The following SLC26A1 variants were observed in gnomAD, a reference collection of about 807,000 sequenced individuals.
SLC26A1 encodes sulfate anion transporter 1.
In SLC26A1, 18 loss-of-function variants were observed where a neutral mutation model predicts 14.5. The observed-to-expected ratio is 1.24, with a 90% confidence interval of 0.86 to 1.84. SLC26A1 has a LOEUF of 1.84. SLC26A1 is among the 40% of genes most tolerant of loss of function. The probability of loss-of-function intolerance (pLI) is 0.00; values close to 1 mark genes in which losing one functional copy is unlikely to be tolerated. For missense variants in SLC26A1, 1,049 were observed against 1,020.0 expected (o/e 1.03, Z -0.39); for synonymous variants, 505 against 492.0 (o/e 1.03, Z -0.35).
At chr4:987,375 C>A (rs577464111), downstream of SLC26A1, 9 of 960,930 alleles carry the variant, frequency 9.4e-6, no homozygotes, top group Admixed American at 9.0e-5. Context: ...GGCCCGCCCC[C>A]CGCCGTGTTT....
chr4:980,411 C>T (rs770359633), intron 2 of SLC26A1, among the ~76,000 whole-genome samples: 3 of 152,058 alleles, frequency 2.0e-5, no homozygotes, highest in Non-Finnish European at 2.9e-5. Flanking sequence ...CATGGTGAAA[C>T]CCTCTCTCCA....
chr4:991,239 G>C lies in SLC26A1; in HGVS notation c.465C>G (p.Pro155=). 2 of 1,611,750 alleles carry C rather than the reference G, an allele frequency of 1.2e-6. No individual in the cohort carries two copies. Among genetic ancestry groups the C allele is most frequent in the Non-Finnish European group, 1.7e-6 (2 of 1,179,256 alleles). ...GFDPSQDGLQ[P]GANSSTLNGS... ...CGTTGAGGGTGCTGCTGTTGGCTCC[G>C]GGCTGCAGGCCGTCCTGGGAGGGGT... The change falls in exon 2 of 3, where the codon CCC becomes CCG. Residue 155 remains proline, a synonymous_variant. Coordinates refer to ENST00000398516, the MANE Select transcript of SLC26A1 (RefSeq NM_022042.4).
chr4:989,716 G>A lies in SLC26A1; in HGVS notation c.1223C>T (p.Thr408Ile). 1 of 1,558,862 alleles carries A rather than the reference G, an allele frequency of 6.4e-7. No individual in the cohort carries two copies. Residue 408 changes from threonine (T) to isoleucine (I), a missense_variant, in exon 3 of 3, where the codon ACT (threonine) becomes ATT (isoleucine). Thr to Ile is a moderately conservative substitution (Grantham distance 89). Transcript: ENST00000398516. ...GCTGGACAGCTGTGTCCGGCAGCCA[G>A]TGGCTGTCTTCACCAGGCTCTTGGC... ...ALAKSLVKTA[T>I]GCRTQLSSVV...
At chr4:992,029 G>T in intron 1 of SLC26A1, 1 of 604,124 alleles carries the variant, frequency 1.7e-6, no homozygotes. Context: ...CCCTGTCCAG[G>T]CTCAGCTCCG....
At chr4:990,928 T>G (rs1474603500) in intron 2 of SLC26A1, 200 bp downstream of exon 2, 6 of 568,562 alleles carry the variant, frequency 1.1e-5, no homozygotes, top group Non-Finnish European at 1.8e-5. Flanking sequence ...GCCCCTCCCC[T>G]CCTGCATCCA....
Position 988,337 on chromosome 4 carries a change from G to C in SLC26A1, c.*496C>G, listed in dbSNP as rs945968531. 22 of 1,093,032 alleles carry C rather than the reference G, an allele frequency of 2.0e-5. No individual in the cohort carries two copies. Among genetic ancestry groups the C allele is most frequent in the Admixed American group, 4.8e-5 (1 of 20,686 alleles). 67.7% of individuals were successfully genotyped at this position (1,093,032 alleles called of 1,614,324 possible). ...GCTGGTGCAGGTGGCCACCCTGTGA[G>C]GGGGAGGCACGAGGTGTGAGGGGCA... On this transcript the variant is annotated 3_prime_UTR_variant, in exon 3 of 3. Coordinates refer to ENST00000398516, the MANE Select transcript of SLC26A1 (RefSeq NM_022042.4).
intron 2 of SLC26A1, among the ~76,000 whole-genome samples, chr4:982,606 C>T (rs1005865534): frequency 6.6e-6 from 1 of 152,236 alleles, no homozygotes. Context: ...CCTCCGCCGA[C>T]CAGTGGCTTC....
Position 990,959 on chromosome 4 carries a change from C to T in SLC26A1, c.576+169G>A, listed in dbSNP as rs1376708534. 1.3e-5 allele frequency: 9 copies of T among 675,964 alleles called. No homozygotes were observed. In the East Asian group the frequency reaches 2.6e-4, roughly 20 times the overall value. 41.9% of individuals were successfully genotyped at this position (675,964 alleles called of 1,614,324 possible). A position where few individuals can be genotyped will look rare whatever the true frequency, so the allele number is the denominator to read the frequency against. ...ATCCACAGCCTCTCCGCGTCGGTGCCTCGCCCTGGGATGCCCCGGCACGCC... is the reference window on the plus strand; with the variant it reads ...ATCCACAGCCTCTCCGCGTCGGTGCTTCGCCCTGGGATGCCCCGGCACGCC... On this transcript the variant is annotated intron_variant, in intron 2 of 2. Coordinates refer to ENST00000398516, the MANE Select transcript of SLC26A1 (RefSeq NM_022042.4).
chr4:982,624 C>A (rs76051233), intron 2 of SLC26A1, among the ~76,000 whole-genome samples: 5,170 of 152,296 alleles, frequency 0.034, 131 homozygotes, highest in East Asian at 0.12. Flanking sequence ...TTCTTCCCCA[C>A]GTTTATTATA....
At chr4:981,770 G>A (rs1214393780) in intron 2 of SLC26A1, among the ~76,000 whole-genome samples, 5 of 152,194 alleles carry the variant, frequency 3.3e-5, no homozygotes, top group Admixed American at 6.5e-5. Context: ...GCTGCCCAGC[G>A]GCTTCTGATG....
chr4:980,200 C>T (rs1334136402), intron 2 of SLC26A1, among the ~76,000 whole-genome samples: 1 of 152,194 alleles, frequency 6.6e-6, no homozygotes, highest in Non-Finnish European at 1.5e-5. Context: ...GGCAGGGACA[C>T]TGGCTTTGTG....
At chr4:984,381 C>T (rs1479686707), downstream of SLC26A1, among the ~76,000 whole-genome samples, 3 of 152,200 alleles carry the variant, frequency 2.0e-5, no homozygotes, top group African/African-American at 2.4e-5. Flanking sequence ...ATCTCAGTCT[C>T]TGTATGTAAT....
At chr4:982,456 G>A (rs1360980727) in intron 2 of SLC26A1, among the ~76,000 whole-genome samples, 3 of 152,226 alleles carry the variant, frequency 2.0e-5, no homozygotes, top group African/African-American at 7.2e-5. Flanking sequence ...AGAGAAATGG[G>A]TGCGTGCGTG....
chr4:982,580 G>A (rs1713578063), intron 2 of SLC26A1, among the ~76,000 whole-genome samples: 6 of 152,224 alleles, frequency 3.9e-5, no homozygotes, highest in South Asian at 4.1e-4. Context: ...GCCAGGCGTG[G>A]TCTCAGCCCT....
chr4:989,611 G>C lies in SLC26A1; in HGVS notation c.1328C>G (p.Ala443Gly). 6.2e-7 allele frequency: 1 copy of C among 1,602,348 alleles called. No homozygotes were observed. The change falls in exon 3 of 3, where the codon GCC becomes GGC. Residue 443 changes from alanine (A) to glycine (G), a missense_variant. By Grantham distance (60) the Ala-to-Gly change is moderately conservative. Coordinates refer to ENST00000398516, the MANE Select transcript of SLC26A1 (RefSeq NM_022042.4). Reference sequence around the variant, plus strand: ...CCGCAGGCTGACCACGATGACGCAGGCCAGCACGCTTCGCTGTAGGTCGTG... The same window carrying C: ...CCGCAGGCTGACCACGATGACGCAGCCCAGCACGCTTCGCTGTAGGTCGTG... ...LFHDLQRSVL[A>G]CVIVVSLRGA...
At position 993,389 on chromosome 4, in the gene SLC26A1, G is replaced by A. The variant is rs1451339286; in HGVS notation, c.-116C>T. The stretch of plus-strand genomic sequence containing the variant: ...GACCGCAGGGCCCTCTGGCTCCCGC[G>A]AGCAGCGGGGAGAGTGGGGGTGGTG... On this transcript the variant is annotated 5_prime_UTR_variant, in exon 1 of 3. Transcript: ENST00000398516. The A allele has an allele frequency of 6.6e-6, 1 of 152,358 alleles. No homozygotes were observed. The highest frequency in any genetic ancestry group is 1.9e-4 in the East Asian group (1 of 5,176). 9.4% of individuals were successfully genotyped at this position (152,358 alleles called of 1,614,324 possible). A position where few individuals can be genotyped will look rare whatever the true frequency, so the allele number is the denominator to read the frequency against.
chr4:986,111 C>CTT (rs1713716056), downstream of SLC26A1, among the ~76,000 whole-genome samples: 5 of 151,990 alleles, frequency 3.3e-5, no homozygotes, highest in Admixed American at 3.3e-4. Flanking sequence ...CAGATGGGGT[C>CTT]TTGGTACATC....
downstream of SLC26A1, among the ~76,000 whole-genome samples, chr4:983,847 C>T (rs1308007739): frequency 6.6e-6 from 1 of 152,204 alleles, no homozygotes; most frequent in Admixed American, 6.5e-5. Context: ...CTTTTTGAAA[C>T]AGGGTCTCAC....
intron 2 of SLC26A1, among the ~76,000 whole-genome samples, chr4:981,985 A>C (rs1224980281): frequency 6.6e-6 from 1 of 152,036 alleles, no homozygotes; most frequent in Non-Finnish European, 1.5e-5. Flanking sequence ...ACACCCGGCT[A>C]ATTTTTTGTA....
Sources: gnomAD v4.1 joint callset for allele counts (sites outside exome capture counted in the v4.1 genomes callset) on GRCh38, gnomAD v4.1.1 for gene constraint, MANE v1.5 for transcripts, NCBI Gene and HGNC (gene_info 2026-07-23, HGNC 2026-07-21) for gene names.